The following SCN2B variants were observed in gnomAD, a reference collection of about 807,000 sequenced individuals.
SCN2B encodes the protein sodium channel regulatory subunit beta-2.
SCN2B carries 14 observed loss-of-function variants against 18.2 expected under a neutral mutation model. That is an observed-to-expected ratio of 0.77 (90% CI 0.51 to 1.21). The LOEUF (loss-of-function observed/expected upper bound fraction) is 1.21. Ranked by LOEUF, SCN2B falls within the 50% of genes most tolerant of loss-of-function variation. SCN2B has a pLI of 0.00. For synonymous variants in SCN2B, 115 were observed against 115.3 expected (o/e 1.00, Z 0.02); for missense variants, 262 against 286.9 (o/e 0.91, Z 0.63).
chr11:118,168,033 A>G lies in SCN2B; in HGVS notation c.448+52T>C. ...AGTGCCCTGAGCAAATGCCGCAGAG[A>G]GTAGGTGGGTGGGAAAGGTCAGGGC... On this transcript the variant is annotated intron_variant, in intron 3 of 3. Transcript: ENST00000278947. This position sits in a 1 kb window ranked among gnomAD's most constrained non-coding sequence, Gnocchi z 4.7. 6.7e-7 allele frequency: 1 copy of G among 1,491,424 alleles called. No individual in the cohort carries two copies. The highest frequency in any genetic ancestry group is 1.2e-5 in the South Asian group (1 of 85,666). 92.4% of individuals were successfully genotyped at this position (1,491,424 alleles called of 1,614,324 possible). A position where few individuals can be genotyped will look rare whatever the true frequency, so the allele number is the denominator to read the frequency against.
intron 1 of SCN2B, among the ~76,000 whole-genome samples, chr11:118,169,052 G>A (rs1948409294): frequency 6.6e-6 from 1 of 152,156 alleles, no homozygotes. Context: ...CAAGCCGCAT[G>A]GAATTGGACT....
At position 118,167,115 on chromosome 11, in the gene SCN2B, C is replaced by T. The variant is rs770734618; in HGVS notation, c.449-29G>A. 1.7e-5 allele frequency: 27 copies of T among 1,601,678 alleles called. No homozygotes were observed. The Admixed American group carries it at 2.0e-4, about 12-fold the overall frequency. On this transcript the variant is annotated intron_variant, in intron 3 of 3. Transcript: ENST00000278947. ...GAAAGGAAGCAGAGCCACTGAGCACCAGGGCTGGGAAAGGGGCCTCCCCCA... is the reference window on the plus strand; with the variant it reads ...GAAAGGAAGCAGAGCCACTGAGCACTAGGGCTGGGAAAGGGGCCTCCCCCA...
At chr11:118,167,972 G>T in intron 3 of SCN2B, 113 bp downstream of exon 3, 1 of 817,546 alleles carries the variant, frequency 1.2e-6, no homozygotes, top group Non-Finnish European at 2.1e-6. Flanking sequence ...AGCACAAATG[G>T]TTGCTCCCAT....
At chr11:118,169,081 G>A (rs1315964741) in intron 1 of SCN2B, among the ~76,000 whole-genome samples, 1 of 152,098 alleles carries the variant, frequency 6.6e-6, no homozygotes, top group Non-Finnish European at 1.5e-5. Context: ...CCTGGCAGGG[G>A]CCCACTCAGC....
At position 118,166,679 on chromosome 11, in the gene SCN2B, C is replaced by A; in HGVS notation, c.*208G>T. On this transcript the variant is annotated 3_prime_UTR_variant, in exon 4 of 4. Transcript: ENST00000278947. ...TCTCCTCTCCCCAGGGCCCACACGT[C>A]CCAGAGCATGGCAGGTTTCTCGGAT... 1 of 631,814 alleles carries A rather than the reference C, an allele frequency of 1.6e-6. No individual in the cohort carries two copies. The highest frequency in any genetic ancestry group is 1.8e-5 in the South Asian group (1 of 54,228). 39.1% of individuals were successfully genotyped at this position (631,814 alleles called of 1,614,324 possible).
In SCN2B at chr11:118,165,168, A is replaced by G. The variant is rs1315363247; in HGVS notation, c.*1719T>C. ...AGGGCTAGAGAAGCCCACCCCTCCAACTCGCCCCATCATAGACCAGGACAC... is the reference window on the plus strand; with the variant it reads ...AGGGCTAGAGAAGCCCACCCCTCCAGCTCGCCCCATCATAGACCAGGACAC... On this transcript the variant is annotated 3_prime_UTR_variant, in exon 4 of 4. Coordinates refer to ENST00000278947, the MANE Select transcript of SCN2B (RefSeq NM_004588.5). 4 of 152,386 alleles carry G rather than the reference A, an allele frequency of 2.6e-5. No individual in the cohort carries two copies. Among genetic ancestry groups the G allele is most frequent in the African/African-American group, 9.7e-5 (4 of 41,406 alleles). 9.4% of individuals were successfully genotyped at this position (152,386 alleles called of 1,614,324 possible).
chr11:118,176,131 T>C (rs981488196), intron 1 of SCN2B, among the ~76,000 whole-genome samples: 1 of 152,074 alleles, frequency 6.6e-6, no homozygotes, highest in African/African-American at 2.4e-5. Flanking sequence ...CCCTTGACAA[T>C]TGTCAGCCCC....
At chr11:118,172,749 C>T (rs1206166302) in intron 1 of SCN2B, among the ~76,000 whole-genome samples, 1 of 152,242 alleles carries the variant, frequency 6.6e-6, no homozygotes, top group African/African-American at 2.4e-5. Context: ...CTCGTGTCAT[C>T]CACTGTTCTA....
chr11:118,170,858 G>C (rs558868749), intron 1 of SCN2B, among the ~76,000 whole-genome samples: 1 of 152,206 alleles, frequency 6.6e-6, no homozygotes, highest in South Asian at 2.1e-4. Flanking sequence ...GGCTTCTAGG[G>C]GAGCCTCTGG....
In SCN2B at chr11:118,176,393, G is replaced by A. The variant is rs772656576; in HGVS notation, c.39C>T (p.Ser13=). The stretch of plus-strand genomic sequence containing the variant: ...AGAAAAAGAGACTGAGCCCCGTGAG[G>A]CTGAAGGCAGGGCGAGGTAGCCAGG... The part of the protein sequence containing the change: ...RDAWLPRPAF[S]LTGLSLFFSL... The change falls in exon 1 of 4, where the codon AGC becomes AGT. Residue 13 remains serine, a synonymous_variant. Transcript: ENST00000278947. The A allele has an allele frequency of 9.3e-6, 15 of 1,613,980 alleles. No homozygotes were observed. The Admixed American group carries it at 2.5e-4, about 27-fold the overall frequency.
Position 118,168,139 on chromosome 11 carries a change from G to T in SCN2B, c.394C>A (p.Pro132Thr). The T allele has an allele frequency of 6.2e-7, 1 of 1,614,048 alleles. No individual in the cohort carries two copies. The highest frequency in any genetic ancestry group is 2.2e-5 in the East Asian group (1 of 44,890). The change falls in exon 3 of 4, where the codon CCC becomes ACC. Residue 132 changes from proline to threonine, a missense_variant. By Grantham distance (38) the Pro-to-Thr change is conservative (BLOSUM62 -1). Transcript: ENST00000278947. This position sits in a 1 kb window ranked among gnomAD's most constrained non-coding sequence, Gnocchi z 4.7. ...EGIYNCYIMN[P>T]PDRHRGHGKI... is the part of the protein sequence containing the mutation. ...CCATGGCCACGGTGGCGGTCAGGGG[G>T]GTTCATGATGTAGCAGTTGTAAATC...
Position 118,168,201 on chromosome 11 carries a change from G to A in SCN2B, c.332C>T (p.Ser111Leu), listed in dbSNP as rs868793059. ...FSGNPSKYDV[S>L]VMLRNVQPED... is the part of the protein sequence containing the mutation. ...CGGCTGCACGTTTCTCAGCATCACC[G>A]ACACATCGTACTTGCTGGGGTTCCC... Residue 111 changes from serine (S) to leucine (L), a missense_variant, in exon 3 of 4, where the codon TCG becomes TTG. Physicochemically the swap from Ser to Leu is moderately radical, Grantham distance 145. Coordinates refer to ENST00000278947, the MANE Select transcript of SCN2B (RefSeq NM_004588.5). The surrounding 1 kb of genome is among the most constrained non-coding windows in gnomAD (Gnocchi z 4.7). 14 of 1,614,026 alleles carry A rather than the reference G, an allele frequency of 8.7e-6. No homozygotes were observed. The highest frequency in any genetic ancestry group is 2.2e-5 in the East Asian group (1 of 44,898).
rs1195811785 is a variant in SCN2B at position 118,165,342 on chromosome 11, G to A, written c.*1545C>T. 1 of 152,612 alleles carries A rather than the reference G, an allele frequency of 6.6e-6. No individual in the cohort carries two copies. Among genetic ancestry groups the A allele is most frequent in the East Asian group, 1.9e-4 (1 of 5,200 alleles). The allele number at this position is 152,612 out of a possible 1,614,324, so 9.5% of individuals were successfully genotyped here. On this transcript the variant is annotated 3_prime_UTR_variant, in exon 4 of 4. Coordinates refer to ENST00000278947, the MANE Select transcript of SCN2B (RefSeq NM_004588.5). ...AGTGACTTGGCTAGTTGATCTCTGA[G>A]GATCTTCCAAGGTCATGGTCTCAGA... is the stretch of plus-strand genomic sequence containing the variant.
At chr11:118,170,921 T>A (rs61900625) in intron 1 of SCN2B, among the ~76,000 whole-genome samples, 2 of 152,008 alleles carry the variant, frequency 1.3e-5, no homozygotes, top group African/African-American at 4.8e-5. Context: ...TCCGTAGGAA[T>A]TGGCGAACAG....
At position 118,165,786 on chromosome 11, in the gene SCN2B, C is replaced by G. The variant is rs59513875; in HGVS notation, c.*1101G>C. The G allele has an allele frequency of 3.9e-5, 6 of 152,450 alleles. No homozygotes were observed. The highest frequency in any genetic ancestry group is 8.8e-5 in the Non-Finnish European group (6 of 68,234). The allele number at this position is 152,450 out of a possible 1,614,324, so 9.4% of individuals were successfully genotyped here. ...CCTACAATTGTCACTTTTGTCCCCACGAAGGGAGTTGTTGGGAGAGGAGCG... is the reference window on the plus strand; with the variant it reads ...CCTACAATTGTCACTTTTGTCCCCAGGAAGGGAGTTGTTGGGAGAGGAGCG... On this transcript the variant is annotated 3_prime_UTR_variant, in exon 4 of 4. Transcript: ENST00000278947.
In SCN2B at chr11:118,164,329, G is replaced by A. The variant is rs1312475029; in HGVS notation, c.*2558C>T. ...AACCACTCTTGGTCTCAGCTGGCAT[G>A]AGGTGCCCGCCACCCACCTCTCTGC... On this transcript the variant is annotated 3_prime_UTR_variant, in exon 4 of 4. Coordinates refer to ENST00000278947, the MANE Select transcript of SCN2B (RefSeq NM_004588.5). The A allele has an allele frequency of 6.5e-6, 1 of 152,684 alleles. No individual in the cohort carries two copies. Among genetic ancestry groups the A allele is most frequent in the Admixed American group, 6.5e-5 (1 of 15,290 alleles). 9.5% of individuals were successfully genotyped at this position (152,684 alleles called of 1,614,324 possible). A position where few individuals can be genotyped will look rare whatever the true frequency, so the allele number is the denominator to read the frequency against.
chr11:118,167,999 C>T (rs1443194082), intron 3 of SCN2B, 86 bp downstream of exon 3: 6 of 1,131,912 alleles, frequency 5.3e-6, no homozygotes, highest in African/African-American at 1.5e-5. Flanking sequence ...GAGGGCCTGG[C>T]CTCCCCAAAG....
intron 1 of SCN2B, among the ~76,000 whole-genome samples, chr11:118,169,172 G>T (rs1313286349): frequency 6.6e-6 from 1 of 152,150 alleles, no homozygotes; most frequent in African/African-American, 2.4e-5. Flanking sequence ...GGGCCACAGA[G>T]CAGGTAGGGG....
In SCN2B at chr11:118,166,796, G is replaced by T; in HGVS notation, c.*91C>A. 9 of 1,535,942 alleles carry T rather than the reference G, an allele frequency of 5.9e-6. No individual in the cohort carries two copies. In the South Asian group the frequency reaches 1.0e-4, roughly 17 times the overall value. On this transcript the variant is annotated 3_prime_UTR_variant, in exon 4 of 4. Coordinates refer to ENST00000278947, the MANE Select transcript of SCN2B (RefSeq NM_004588.5). ...GTGGGCCCTGGGGTCCTAGGTCACG[G>T]GAAGCACACCAAGAGCGAGCAGGCA...
Sources: allele counts gnomAD v4.1 joint callset (sites outside exome capture counted in the v4.1 genomes callset), GRCh38; gene constraint gnomAD v4.1.1; non-coding constraint Gnocchi (gnomAD v3.1); transcripts MANE v1.5; gene names NCBI Gene and HGNC (gene_info 2026-07-23, HGNC 2026-07-21).